The following PCDHA2 variants were observed in gnomAD, a reference collection of about 807,000 sequenced individuals.
The protein encoded by PCDHA2 is protocadherin alpha 2.
Under a neutral mutation model 66.0 loss-of-function variants are expected in PCDHA2, and 58 were observed. That is an observed-to-expected ratio of 0.88 (90% CI 0.71 to 1.09). PCDHA2 has a LOEUF of 1.09. Ranked by LOEUF, PCDHA2 falls within the 50% of genes least tolerant of loss-of-function variation. PCDHA2 has a pLI of 0.00. For missense variants in PCDHA2, 1,267 were observed against 1,242.3 expected, an observed-to-expected ratio of 1.02 and a Z score of -0.30; for synonymous variants, 634 against 554.0, an observed-to-expected ratio of 1.14 and a Z score of -2.03.
rs781792274 is a variant in PCDHA2 at position 140,927,895 on chromosome 5, G to C, written c.2389-51054G>C. ...GCTGGTGGAGGTGACTGACGTGAAC[G>C]ATCATGCCCCCGAACTGGACTTCCT... On this transcript the variant is annotated intron_variant, in intron 1 of 3. Coordinates refer to ENST00000526136, the MANE Select transcript of PCDHA2 (RefSeq NM_018905.3). The C allele has an allele frequency of 3.7e-6, 6 of 1,614,074 alleles. No homozygotes were observed. The South Asian group carries it at 6.6e-5, about 18-fold the overall frequency.
chr5:140,837,271 C>T (rs1199620898), intron 1 of PCDHA2: 1 of 152,090 alleles, frequency 6.6e-6, no homozygotes, highest in African/African-American at 2.4e-5. Context: ...TTGTGTAGCA[C>T]TGACTTCTTT....
At chr5:140,902,367 T>C (rs2153476761) in intron 1 of PCDHA2, among the ~76,000 whole-genome samples, 1 of 152,142 alleles carries the variant, frequency 6.6e-6, no homozygotes, top group Middle Eastern at 3.4e-3. Flanking sequence ...TTCTCTTGTC[T>C]AATTGCTCTA....
In PCDHA2 at chr5:141,010,428, A is replaced by G. The variant is rs2098417264; in HGVS notation, c.*491A>G. The G allele has an allele frequency of 9.2e-7, 1 of 1,087,372 alleles. No individual in the cohort carries two copies. Among genetic ancestry groups the G allele is most frequent in the East Asian group, 2.6e-5 (1 of 38,240 alleles). 67.4% of individuals were successfully genotyped at this position (1,087,372 alleles called of 1,614,324 possible). ...GACTAATTGGTACAAGGAAGGCAAG[A>G]AAACAAAGACAAATAAACAGCGGAA... On this transcript the variant is annotated 3_prime_UTR_variant, in exon 4 of 4. Transcript: ENST00000526136.
chr5:140,847,832 C>T (rs1426202743), intron 1 of PCDHA2: 2 of 149,636 alleles, frequency 1.3e-5, no homozygotes, highest in Non-Finnish European at 3.0e-5. Context: ...AGAAAACTAC[C>T]TCAGTTGGTT....
intron 1 of PCDHA2, chr5:140,863,574 T>C (rs1162134770): frequency 2.7e-6 from 1 of 367,398 alleles, no homozygotes; most frequent in Non-Finnish European, 5.3e-6. Flanking sequence ...ATATAAGTAC[T>C]GTAATCCTGG....
At chr5:140,952,885 A>G (rs1285549724) in intron 1 of PCDHA2, among the ~76,000 whole-genome samples, 1 of 152,174 alleles carries the variant, frequency 6.6e-6, no homozygotes, top group Non-Finnish European at 1.5e-5. Flanking sequence ...TCATGGTGGA[A>G]GGCAAAGGGG....
intron 1 of PCDHA2, chr5:140,850,145 G>T: frequency 1.3e-6 from 2 of 1,595,560 alleles, no homozygotes; most frequent in South Asian, 1.1e-5. Context: ...GCAACGTGAC[G>T]CTGCAGGTGT....
At chr5:140,959,602 C>CTT (rs1554224184) in intron 1 of PCDHA2, among the ~76,000 whole-genome samples, 1 of 152,008 alleles carries the variant, frequency 6.6e-6, no homozygotes, top group African/African-American at 2.4e-5. Context: ...GTATAACATG[C>CTT]TTTTCTTGCT....
intron 1 of PCDHA2, among the ~76,000 whole-genome samples, chr5:140,880,422 C>T (rs782802267): frequency 6.6e-6 from 1 of 152,252 alleles, no homozygotes; most frequent in Non-Finnish European, 1.5e-5. Flanking sequence ...AAAGCGGGAA[C>T]AGTTTTTCCT....
intron 1 of PCDHA2, chr5:140,969,487 T>C: frequency 6.8e-7 from 1 of 1,460,090 alleles, no homozygotes; most frequent in Non-Finnish European, 9.1e-7. Flanking sequence ...TAATCTGCTA[T>C]TTCCTCTCTA....
intron 1 of PCDHA2, chr5:140,828,088 T>G (rs2150150812): frequency 1.3e-6 from 2 of 1,592,494 alleles, no homozygotes; most frequent in Admixed American, 3.5e-5. Context: ...CAGAGGTATT[T>G]GACATGGTGT....
chr5:140,832,356 T>A (rs1012512842), intron 1 of PCDHA2, among the ~76,000 whole-genome samples: 1 of 152,250 alleles, frequency 6.6e-6, no homozygotes, highest in East Asian at 1.9e-4. Flanking sequence ...TGTTTCCTAA[T>A]GTGAGCATTT....
At chr5:140,834,516 G>T (rs2150220231) in intron 1 of PCDHA2, 1 of 1,614,110 alleles carries the variant, frequency 6.2e-7, no homozygotes, top group Non-Finnish European at 8.5e-7. Context: ...TGGCAACTTC[G>T]TGGGCCGCAT....
intron 1 of PCDHA2, among the ~76,000 whole-genome samples, chr5:140,946,311 T>C (rs896667905): frequency 6.6e-6 from 1 of 151,784 alleles, no homozygotes; most frequent in Non-Finnish European, 1.5e-5. Flanking sequence ...AGAATGGCTA[T>C]TATTGAAAGA....
intron 1 of PCDHA2, among the ~76,000 whole-genome samples, chr5:140,942,409 TAAA>T (rs78736997): frequency 7.0e-6 from 1 of 143,620 alleles, no homozygotes; most frequent in Non-Finnish European, 1.5e-5. Context: ...AGACTCTGTT[TAAA>T]AAAAAAAAAG....
chr5:140,802,731 G>A (rs782560612), intron 1 of PCDHA2: 3 of 1,612,422 alleles, frequency 1.9e-6, no homozygotes, highest in Admixed American at 3.3e-5. Context: ...GTCGGTACAC[G>A]CGGAGAGCGG....
chr5:141,007,079 TAGAGA>T (rs1308407580), intron 3 of PCDHA2, among the ~76,000 whole-genome samples: 1 of 151,804 alleles, frequency 6.6e-6, no homozygotes, highest in African/African-American at 2.4e-5. Flanking sequence ...GAAGAGAAAA[TAGAGA>T]AGAGAGTCTA....
rs1562179138 is a variant in PCDHA2, at chr5:140,801,463, G to A, written c.2388+4111G>A. 6.2e-7 allele frequency: 1 copy of A among 1,613,928 alleles called. No homozygotes were observed. Among genetic ancestry groups the A allele is most frequent in the African/African-American group, 1.3e-5 (1 of 74,942 alleles). On this transcript the variant is annotated intron_variant, in intron 1 of 3. Transcript: ENST00000526136. ...AATGGCATTTTGTTTGTGAATTCTC[G>A]GATAGACCGCGAGGAACTGTGCGGG... is the stretch of plus-strand genomic sequence containing the variant.
intron 1 of PCDHA2, among the ~76,000 whole-genome samples, chr5:140,969,908 TG>T (rs2096368267): frequency 6.6e-6 from 1 of 152,184 alleles, no homozygotes; most frequent in Non-Finnish European, 1.5e-5. Flanking sequence ...ATGTCACAAG[TG>T]ATAAAGCTGT....
Sources: allele counts gnomAD v4.1 joint callset (sites outside exome capture counted in the v4.1 genomes callset), GRCh38; gene constraint gnomAD v4.1.1; transcripts MANE v1.5; gene names NCBI Gene and HGNC (gene_info 2026-07-23, HGNC 2026-07-21).